CHST9: variants seen among roughly 807,000 people sequenced by gnomAD.
CHST9 encodes the protein GalNAc-4-sulfotransferase 2.
A neutral mutation model predicts 44.4 loss-of-function variants in CHST9; 41 were observed. The ratio of observed to expected loss-of-function variants is 0.92; its 90% CI spans 0.72 to 1.20. The LOEUF (loss-of-function observed/expected upper bound fraction) is 1.20, where lower values mean the gene tolerates loss of function less well. Among genes scored for constraint, CHST9 ranks in the 50% most tolerant of loss-of-function variants. CHST9 has a pLI of 0.00. For synonymous variants in CHST9, 171 were observed against 178.4 expected (o/e 0.96, Z 0.33); for missense variants, 504 against 516.5 (o/e 0.98, Z 0.23).
chr18:27,180,028 C>T (rs1208168602), intron 1 of CHST9, among the ~76,000 whole-genome samples: 1 of 152,102 alleles, frequency 6.6e-6, no homozygotes, highest in African/African-American at 2.4e-5. Flanking sequence ...AAATATCATA[C>T]TTTAAAATTT....
chr18:27,174,264 T>G (rs2058852093), intron 1 of CHST9, among the ~76,000 whole-genome samples: 1 of 151,986 alleles, frequency 6.6e-6, no homozygotes, highest in African/African-American at 2.4e-5. Context: ...TCAGGCTTTT[T>G]TTGTTAATCA....
intron 4 of CHST9, among the ~76,000 whole-genome samples, chr18:26,996,237 T>C (rs1328173830): frequency 6.6e-6 from 1 of 152,228 alleles, no homozygotes; most frequent in Admixed American, 6.5e-5. Flanking sequence ...ACTTATACCC[T>C]GTAAACATGA....
intron 5 of CHST9, among the ~76,000 whole-genome samples, chr18:26,918,001 A>AG (rs2055569860): frequency 6.6e-6 from 1 of 152,172 alleles, no homozygotes. Context: ...CCAAGTGAAG[A>AG]ATGACTAAGG....
chr18:26,952,711 C>T (rs1476161798), intron 4 of CHST9, among the ~76,000 whole-genome samples: 1 of 152,138 alleles, frequency 6.6e-6, no homozygotes, highest in Non-Finnish European at 1.5e-5. Flanking sequence ...TAATATCTTA[C>T]AGTATAGTAT....
intron 1 of CHST9, among the ~76,000 whole-genome samples, chr18:27,156,165 A>G (rs939490866): frequency 3.3e-5 from 5 of 151,800 alleles, no homozygotes; most frequent in African/African-American, 4.8e-5. Flanking sequence ...ATGGCCAAAA[A>G]AAAAAACAGT....
intron 4 of CHST9, among the ~76,000 whole-genome samples, chr18:26,948,757 A>T (rs2056200914): frequency 6.6e-6 from 1 of 152,132 alleles, no homozygotes; most frequent in Non-Finnish European, 1.5e-5. Context: ...CCTTTCCCAA[A>T]TTTGTGAGGA....
In CHST9 at chr18:27,155,106, AG is replaced by A. The variant is rs5823538; in HGVS notation, c.-96-12202del. 2.9e-3 allele frequency among the ~76,000 whole-genome samples: 197 copies of A among 68,608 alleles called. 2 individuals carry two copies. Among genetic ancestry groups the A allele is most frequent in the Non-Finnish European group, 4.7e-3 (119 of 25,176 alleles). 45.0% of individuals were successfully genotyped at this position (68,608 alleles called of 152,430 possible). On this transcript the variant is annotated intron_variant, in intron 1 of 5. Transcript: ENST00000618847. ...AAAGTTAAAAAAAAAAAAAAAAAAA[AG>A]AAGTAACCTCTATGTGCTTCAGTTA...
At chr18:26,994,141 A>C (rs927988201) in intron 4 of CHST9, among the ~76,000 whole-genome samples, 3 of 152,224 alleles carry the variant, frequency 2.0e-5, no homozygotes, top group African/African-American at 7.2e-5. Flanking sequence ...CTTATCTCAA[A>C]ATACAATCAC....
chr18:26,964,604 GGGTCTA>G (rs1445509961), intron 4 of CHST9, among the ~76,000 whole-genome samples: 1 of 152,256 alleles, frequency 6.6e-6, no homozygotes, highest in African/African-American at 2.4e-5. Context: ...CCTGGCTTCT[GGGTCTA>G]CCAGTCAGGG....
At chr18:26,968,739 CTTT>C (rs1465615257) in intron 4 of CHST9, among the ~76,000 whole-genome samples, 2 of 152,218 alleles carry the variant, frequency 1.3e-5, no homozygotes, top group Non-Finnish European at 2.9e-5. Flanking sequence ...TCTTCTATGA[CTTT>C]TACAATTATT....
intron 4 of CHST9, among the ~76,000 whole-genome samples, chr18:26,956,098 C>A (rs2056318613): frequency 6.6e-6 from 1 of 151,778 alleles, no homozygotes; most frequent in Admixed American, 6.6e-5. Flanking sequence ...AGTTTAAGAC[C>A]AGCCTGGCCA....
intron 2 of CHST9, among the ~76,000 whole-genome samples, chr18:27,083,045 G>A (rs2057975782): frequency 6.6e-6 from 1 of 152,042 alleles, no homozygotes; most frequent in Admixed American, 6.6e-5. Context: ...GATCCACAAA[G>A]AAATATATAA....
chr18:27,149,103 T>A (rs201976238), intron 1 of CHST9, among the ~76,000 whole-genome samples: 1 of 122,018 alleles, frequency 8.2e-6, no homozygotes, highest in Non-Finnish European at 1.8e-5. Context: ...TTTGATGGGG[T>A]TGTTTGTTTT....
chr18:26,977,915 C>T (rs774134858), intron 4 of CHST9, among the ~76,000 whole-genome samples: 6 of 151,282 alleles, frequency 4.0e-5, no homozygotes, highest in Non-Finnish European at 7.4e-5. Context: ...ACCTTAATAA[C>T]TTAAAAAAAA....
intron 2 of CHST9, among the ~76,000 whole-genome samples, chr18:27,109,768 C>CT (rs879840088): frequency 3.5e-4 from 52 of 148,202 alleles, no homozygotes; most frequent in African/African-American, 8.6e-4. Flanking sequence ...GTTCCGACAA[C>CT]TTTTTTTTTT....
intron 2 of CHST9, among the ~76,000 whole-genome samples, chr18:27,095,498 G>T (rs1039211304): frequency 1.6e-4 from 24 of 152,044 alleles, no homozygotes; most frequent in Non-Finnish European, 2.8e-4. Context: ...AGAGTGAAAA[G>T]TTCGATGAAA....
At chr18:27,162,441 C>A (rs2058755113) in intron 1 of CHST9, among the ~76,000 whole-genome samples, 1 of 152,204 alleles carries the variant, frequency 6.6e-6, no homozygotes, top group African/African-American at 2.4e-5. Flanking sequence ...TTGGCCCCCA[C>A]TCTCTTCTGG....
rs555160854 is a variant in CHST9 at position 26,922,370 on chromosome 18, G to A, written c.241-5020C>T. ...CTATAGCACTTAGTCTGTACTTCCT[G>A]TGAGGAAAGTAATTTTATTCCAGCT... On this transcript the variant is annotated intron_variant, in intron 5 of 5. Transcript: ENST00000618847. Among the ~76,000 whole-genome samples, 7 of 152,220 alleles carry A rather than the reference G, an allele frequency of 4.6e-5. No homozygotes were observed. In the South Asian group the frequency reaches 1.5e-3, roughly 32 times the overall value.
chr18:27,030,643 C>T (rs1429557186), intron 3 of CHST9, among the ~76,000 whole-genome samples: 2 of 152,228 alleles, frequency 1.3e-5, no homozygotes, highest in African/African-American at 4.8e-5. Flanking sequence ...GCCAGACCCC[C>T]TGTGCAGGAG....
Sources: gnomAD v4.1 joint callset for allele counts (sites outside exome capture counted in the v4.1 genomes callset) on GRCh38, gnomAD v4.1.1 for gene constraint, MANE v1.5 for transcripts, NCBI Gene and HGNC (gene_info 2026-07-23, HGNC 2026-07-21) for gene names.